Variants in DPP10 observed in about 807,000 individuals in gnomAD.
DPP10 encodes dipeptidyl peptidase like 10.
DPP10 carries 33 observed loss-of-function variants against 120.9 expected under a neutral mutation model. The ratio of observed to expected loss-of-function variants is 0.27; its 90% CI spans 0.21 to 0.37. The LOEUF (loss-of-function observed/expected upper bound fraction) is 0.37. Among genes scored for constraint, DPP10 ranks in the 10% least tolerant of loss-of-function variants. The probability of loss-of-function intolerance (pLI) is 1.00; values close to 1 mark genes in which losing one functional copy is unlikely to be tolerated. For missense variants in DPP10, 816 were observed against 942.8 expected (o/e 0.87, Z 1.76); for synonymous variants, 337 against 326.1 (o/e 1.03, Z -0.36).
chr2:115,796,551 T>TG (rs1684550707), intron 19 of DPP10, among the ~76,000 whole-genome samples: 1 of 152,154 alleles, frequency 6.6e-6, no homozygotes, highest in African/African-American at 2.4e-5. Context: ...TTGATTTCTG[T>TG]ATGGGTCCAT....
intron 1 of DPP10, among the ~76,000 whole-genome samples, chr2:114,532,296 T>TATATATATACACACACACACACAC (rs1342125338): frequency 4.0e-5 from 3 of 74,756 alleles, no homozygotes; most frequent in African/African-American, 2.0e-4. Flanking sequence ...TATATATATA[T>TATATATATACACACACACACACAC]ACACACACAC....
intron 1 of DPP10, among the ~76,000 whole-genome samples, chr2:114,455,619 G>A (rs2104550431): frequency 6.6e-6 from 1 of 151,738 alleles, no homozygotes; most frequent in Non-Finnish European, 1.5e-5. Context: ...TGGCTGAAAA[G>A]GTTTAAAGTG....
intron 5 of DPP10, among the ~76,000 whole-genome samples, chr2:115,546,926 T>G (rs1451058369): frequency 6.6e-6 from 1 of 152,156 alleles, no homozygotes; most frequent in Non-Finnish European, 1.5e-5. Context: ...GCAATTTAAT[T>G]CAAATGCTAA....
chr2:114,645,845 C>A (rs762297290), intron 1 of DPP10, among the ~76,000 whole-genome samples: 12 of 152,112 alleles, frequency 7.9e-5, no homozygotes, highest in African/African-American at 2.4e-4. Context: ...TCCAAATGAA[C>A]CTCCAGGCCT....
intron 1 of DPP10, among the ~76,000 whole-genome samples, chr2:115,277,605 T>C (rs531938327): frequency 6.6e-6 from 1 of 152,100 alleles, no homozygotes; most frequent in South Asian, 2.1e-4. Flanking sequence ...GAAAGAATAA[T>C]TACCTTTGTA....
chr2:114,525,201 T>C (rs1685403498), intron 1 of DPP10, among the ~76,000 whole-genome samples: 1 of 152,174 alleles, frequency 6.6e-6, no homozygotes. Flanking sequence ...TAGATGTTAG[T>C]GCATTAACAC....
intron 1 of DPP10, among the ~76,000 whole-genome samples, chr2:115,095,909 AC>A (rs1709704541): frequency 6.6e-6 from 1 of 152,138 alleles, no homozygotes; most frequent in African/African-American, 2.4e-5. Context: ...AAACAAACAA[AC>A]AAAAAGAAGA....
At chr2:114,712,155 A>G (rs1044385968) in intron 1 of DPP10, among the ~76,000 whole-genome samples, 1 of 152,038 alleles carries the variant, frequency 6.6e-6, no homozygotes, top group Non-Finnish European at 1.5e-5. Flanking sequence ...CCCTGTCTCT[A>G]CTAAAACTAC....
Position 115,588,286 on chromosome 2 carries a change from C to G in DPP10, c.441+62314C>G, listed in dbSNP as rs1264162406. Among the ~76,000 whole-genome samples the G allele has an allele frequency of 2.6e-5, 4 of 152,064 alleles. No homozygotes were observed. In the East Asian group the frequency reaches 5.8e-4, roughly 22 times the overall value. On this transcript the variant is annotated intron_variant, in intron 5 of 25. Transcript: ENST00000410059. ...ATATGCCATGTATTTAAAAGTTAAT[C>G]TTTTCATTAATGACTTGGAAAAGCA...
chr2:114,501,751 T>G (rs140775202), intron 1 of DPP10, among the ~76,000 whole-genome samples: 26 of 152,292 alleles, frequency 1.7e-4, no homozygotes, highest in African/African-American at 6.3e-4. Flanking sequence ...AATTTCATTT[T>G]GCAACTCTCA....
intron 1 of DPP10, among the ~76,000 whole-genome samples, chr2:114,769,402 A>G (rs1375104348): frequency 1.3e-5 from 2 of 152,158 alleles, no homozygotes; most frequent in East Asian, 1.9e-4. Context: ...GTGGTGTGAT[A>G]TTGAAAAAAA....
chr2:115,758,674 G>C (rs545118753), intron 11 of DPP10, among the ~76,000 whole-genome samples: 1 of 152,162 alleles, frequency 6.6e-6, no homozygotes, highest in East Asian at 1.9e-4. Flanking sequence ...AATTGAAGGA[G>C]TTAGCCCTAC....
chr2:115,434,451 AG>A (rs2071291935), intron 3 of DPP10, among the ~76,000 whole-genome samples: 1 of 151,998 alleles, frequency 6.6e-6, no homozygotes, highest in Non-Finnish European at 1.5e-5. Context: ...CAGGCAAAAT[AG>A]GGTAACAGAT....
chr2:114,842,722 A>C (rs1688255312), intron 1 of DPP10, among the ~76,000 whole-genome samples: 1 of 152,190 alleles, frequency 6.6e-6, no homozygotes, highest in South Asian at 2.1e-4. Flanking sequence ...AGAATCACAG[A>C]GATTCAATAG....
At chr2:114,934,686 C>T (rs1696326996) in intron 1 of DPP10, among the ~76,000 whole-genome samples, 1 of 151,846 alleles carries the variant, frequency 6.6e-6, no homozygotes, top group Non-Finnish European at 1.5e-5. Context: ...ACCCGCTCTC[C>T]AGGAACCAAG....
At chr2:114,899,458 T>A (rs1002865232) in intron 1 of DPP10, among the ~76,000 whole-genome samples, 1 of 152,134 alleles carries the variant, frequency 6.6e-6, no homozygotes, top group African/African-American at 2.4e-5. Flanking sequence ...CCCTTCTCAA[T>A]TAAAATTCCT....
intron 2 of DPP10, among the ~76,000 whole-genome samples, chr2:115,319,983 A>G (rs2061981060): frequency 6.6e-6 from 1 of 152,184 alleles, no homozygotes; most frequent in African/African-American, 2.4e-5. Context: ...ACTTCTCAGT[A>G]TTATTGCTTT....
chr2:115,050,667 C>T (rs1056387532), intron 1 of DPP10, among the ~76,000 whole-genome samples: 5 of 152,250 alleles, frequency 3.3e-5, no homozygotes, highest in African/African-American at 9.6e-5. Flanking sequence ...GAGGGCCACA[C>T]GTAGGTACAG....
Position 115,361,510 on chromosome 2 carries a change from A to G in DPP10, c.271+17598A>G, listed in dbSNP as rs535744907. Among the ~76,000 whole-genome samples, 20 of 152,012 alleles carry G rather than the reference A, an allele frequency of 1.3e-4. No homozygotes were observed. In the South Asian group the frequency reaches 3.8e-3, roughly 29 times the overall value. On this transcript the variant is annotated intron_variant, in intron 3 of 25. Transcript: ENST00000410059. The stretch of plus-strand genomic sequence containing the variant: ...GACATGCCCCTTTCCCATGGGAAAA[A>G]CAGCCCTGTTTCCTGCACCCCCTCA...
Sources: allele counts gnomAD v4.1 joint callset (sites outside exome capture counted in the v4.1 genomes callset), GRCh38; gene constraint gnomAD v4.1.1; transcripts MANE v1.5; gene names NCBI Gene and HGNC (gene_info 2026-07-23, HGNC 2026-07-21).